Variants in PDE6A observed in about 807,000 individuals in gnomAD.
PDE6A encodes the protein phosphodiesterase 6A.
In PDE6A, 84 loss-of-function variants were observed where a neutral mutation model predicts 106.3. The ratio of observed to expected loss-of-function variants is 0.79; its 90% CI spans 0.66 to 0.95. The LOEUF (loss-of-function observed/expected upper bound fraction) is 0.95, where lower values mean the gene tolerates loss of function less well. Ranked by LOEUF, PDE6A falls within the 40% of genes least tolerant of loss-of-function variation. The probability of loss-of-function intolerance (pLI) is 0.00; values close to 1 mark genes in which losing one functional copy is unlikely to be tolerated. For missense variants in PDE6A, 1,052 were observed against 1,084.9 expected (o/e 0.97, Z 0.43); for synonymous variants, 394 against 386.6 (o/e 1.02, Z -0.23).
intron 1 of PDE6A, among the ~76,000 whole-genome samples, chr5:149,937,119 C>G (rs1431984021): frequency 1.3e-5 from 2 of 152,296 alleles, no homozygotes; most frequent in African/African-American, 4.8e-5. Context: ...GGAGCCTTCT[C>G]TGAAGATGTA....
chr5:149,914,714 C>T (rs1308360760), intron 6 of PDE6A, among the ~76,000 whole-genome samples: 1 of 146,662 alleles, frequency 6.8e-6, no homozygotes, highest in African/African-American at 2.5e-5. Flanking sequence ...TTCTACTGTT[C>T]TATCTCCCTC....
chr5:149,875,504 T>TTTTA (rs1760707974), intron 17 of PDE6A, among the ~76,000 whole-genome samples: 2 of 150,858 alleles, frequency 1.3e-5, no homozygotes, highest in African/African-American at 2.4e-5. Context: ...TTTTTTTTTT[T>TTTTA]GAGTCGGAGG....
intron 21 of PDE6A, among the ~76,000 whole-genome samples, chr5:149,861,850 A>G (rs1313590649): frequency 6.6e-6 from 1 of 152,234 alleles, no homozygotes; most frequent in Non-Finnish European, 1.5e-5. Context: ...CTGATTTACT[A>G]CTTGCCCAAA....
intron 17 of PDE6A, among the ~76,000 whole-genome samples, chr5:149,873,545 TG>T (rs1760633056): frequency 6.6e-6 from 1 of 152,110 alleles, no homozygotes; most frequent in Non-Finnish European, 1.5e-5. Context: ...TTGACCAGGT[TG>T]GTCTCAAACT....
intron 17 of PDE6A, among the ~76,000 whole-genome samples, chr5:149,883,003 A>G (rs901705247): frequency 2.0e-5 from 3 of 152,206 alleles, no homozygotes; most frequent in Admixed American, 2.0e-4. Flanking sequence ...AGTTGCAGTA[A>G]GCCGAGATCG....
intron 10 of PDE6A, among the ~76,000 whole-genome samples, chr5:149,897,774 A>G (rs1396331826): frequency 4.6e-5 from 7 of 151,962 alleles, no homozygotes; most frequent in Non-Finnish European, 8.8e-5. Flanking sequence ...TTTGGTAGAG[A>G]CAGGGTCTCG....
chr5:149,903,607 A>G (rs1308644240), intron 8 of PDE6A, 41 bp downstream of exon 8: 1 of 1,550,172 alleles, frequency 6.5e-7, no homozygotes, highest in Admixed American at 1.7e-5. Context: ...GGGGAGGAAA[A>G]AAAATCATAT....
At chr5:149,925,950 T>C (rs1753854161) in intron 4 of PDE6A, among the ~76,000 whole-genome samples, 1 of 151,896 alleles carries the variant, frequency 6.6e-6, no homozygotes, top group Non-Finnish European at 1.5e-5. Context: ...TAGGTAAATA[T>C]ACCAATGGAG....
rs78658738 is a variant in PDE6A at position 149,875,853 on chromosome 5, C to T, written c.2135+7576G>A. 2.5e-3 allele frequency among the ~76,000 whole-genome samples: 376 copies of T among 152,260 alleles called. 3 individuals carry two copies. The highest frequency in any genetic ancestry group is 8.3e-3 in the African/African-American group (346 of 41,550). On this transcript the variant is annotated intron_variant, in intron 17 of 21. Coordinates refer to ENST00000255266, the MANE Select transcript of PDE6A (RefSeq NM_000440.3). ...CCCACAATAAAAGCACATGAGCAAG[C>T]TTTTCTTTAAGAGTCTAGAGTTTTA...
intron 21 of PDE6A, among the ~76,000 whole-genome samples, chr5:149,862,682 T>C (rs1469623195): frequency 6.6e-6 from 1 of 152,130 alleles, no homozygotes. Flanking sequence ...TGCTTGAACC[T>C]GGGAGGTAGA....
intron 4 of PDE6A, among the ~76,000 whole-genome samples, chr5:149,929,645 A>AAATAAATAAAT (rs1561780707): frequency 2.9e-5 from 3 of 103,710 alleles, no homozygotes; most frequent in African/African-American, 1.3e-4. Context: ...AATAAATAAA[A>AAATAAATAAAT]GAAGCCAAAC....
intron 6 of PDE6A, among the ~76,000 whole-genome samples, chr5:149,913,786 A>G (rs139050659): frequency 1.2e-4 from 18 of 152,336 alleles, no homozygotes; most frequent in African/African-American, 4.1e-4. Flanking sequence ...AGAGGATTCA[A>G]ACAGAGAAGA....
chr5:149,885,405 C>A (rs1234149665), intron 14 of PDE6A, among the ~76,000 whole-genome samples: 1 of 152,184 alleles, frequency 6.6e-6, no homozygotes, highest in African/African-American at 2.4e-5. Context: ...TAACATTAGC[C>A]CCTGCTCTGC....
chr5:149,911,118 G>A (rs1753371253), intron 6 of PDE6A, among the ~76,000 whole-genome samples: 1 of 151,772 alleles, frequency 6.6e-6, no homozygotes, highest in Non-Finnish European at 1.5e-5. Context: ...TGAGCTCAAG[G>A]GATCTGCCTA....
chr5:149,869,917 G>A (rs979252481), intron 17 of PDE6A, among the ~76,000 whole-genome samples: 1 of 152,160 alleles, frequency 6.6e-6, no homozygotes, highest in Non-Finnish European at 1.5e-5. Flanking sequence ...TTAATCAGCT[G>A]TGTGGGGCAT....
chr5:149,878,302 C>CT (rs199659488), intron 17 of PDE6A, among the ~76,000 whole-genome samples: 5,527 of 148,540 alleles, frequency 0.037, 115 homozygotes, highest in Admixed American at 0.056. Context: ...CTGCTCCTGG[C>CT]TTTTTTTTTT....
At chr5:149,912,730 T>A (rs2113624921) in intron 6 of PDE6A, among the ~76,000 whole-genome samples, 1 of 152,294 alleles carries the variant, frequency 6.6e-6, no homozygotes, top group East Asian at 1.9e-4. Flanking sequence ...AAATTTTAGT[T>A]GTTTATACCA....
At chr5:149,884,636 C>G in intron 15 of PDE6A, 57 bp from the exon 16 acceptor site, 1 of 1,495,388 alleles carries the variant, frequency 6.7e-7, no homozygotes, top group African/African-American at 1.4e-5. Context: ...GTAAAGTCAC[C>G]CACCTACCAA....
At chr5:149,886,132 A>C in intron 14 of PDE6A, 133 bp downstream of exon 14, 1 of 720,012 alleles carries the variant, frequency 1.4e-6, no homozygotes, top group Non-Finnish European at 2.5e-6. Flanking sequence ...GGAGACCCGG[A>C]TCCCAAGGGC....
Sources: allele counts gnomAD v4.1 joint callset (sites outside exome capture counted in the v4.1 genomes callset), GRCh38; gene constraint gnomAD v4.1.1; transcripts MANE v1.5; gene names NCBI Gene and HGNC (gene_info 2026-07-23, HGNC 2026-07-21).